Variants in FIGLA observed in about 807,000 individuals in gnomAD.
FIGLA encodes the protein factor in the germline alpha.
A neutral mutation model predicts 21.5 loss-of-function variants in FIGLA; 17 were observed. That is an observed-to-expected ratio of 0.79 (90% CI 0.54 to 1.19). The LOEUF (loss-of-function observed/expected upper bound fraction) is 1.19, where lower values mean the gene tolerates loss of function less well. Ranked by LOEUF, FIGLA falls within the 50% of genes most tolerant of loss-of-function variation. The probability of loss-of-function intolerance (pLI) is 0.00; values close to 1 mark genes in which losing one functional copy is unlikely to be tolerated. For synonymous variants in FIGLA, 129 were observed against 117.6 expected, an observed-to-expected ratio of 1.10 and a Z score of -0.63; for missense variants, 282 against 285.0, an observed-to-expected ratio of 0.99 and a Z score of 0.08.
chr2:70,780,823 A>G (rs913808561), intron 3 of FIGLA, among the ~76,000 whole-genome samples: 3 of 152,164 alleles, frequency 2.0e-5, no homozygotes, highest in African/African-American at 7.2e-5. Context: ...TCAGAGCCCA[A>G]GCAGGGTGAG....
chr2:70,784,987 A>G (rs1675920385), intron 3 of FIGLA, among the ~76,000 whole-genome samples: 1 of 151,348 alleles, frequency 6.6e-6, no homozygotes, highest in Middle Eastern at 3.2e-3. Context: ...ATCTTTATGT[A>G]TGGCAAGCTA....
At position 70,785,536 on chromosome 2, in the gene FIGLA, G is replaced by C; in HGVS notation, c.488C>G (p.Ala163Gly). 6.2e-7 allele frequency: 1 copy of C among 1,613,956 alleles called. No homozygotes were observed. The highest frequency in any genetic ancestry group is 8.5e-7 in the Non-Finnish European group (1 of 1,179,870). The stretch of plus-strand genomic sequence containing the variant: ...TTCCTCTTCATTCTTCAAGCCGAAA[G>C]CACAGCTGATATGTTGGGTGATGTT... Reference protein sequence around the residue: ...SRNITQHISCAFGLKNEEEGP... With the variant: ...SRNITQHISCGFGLKNEEEGP... Residue 163 changes from alanine to glycine, a missense_variant, in exon 3 of 5, where the codon GCT (alanine) becomes GGT (glycine). Transcript: ENST00000332372.
intron 4 of FIGLA, 41 bp downstream of exon 4, chr2:70,777,596 T>G: frequency 6.3e-7 from 1 of 1,593,046 alleles, no homozygotes; most frequent in Non-Finnish European, 8.6e-7. Flanking sequence ...GCCAGTGGTG[T>G]TATAAATTGG....
rs782157904 is a variant in FIGLA, at chr2:70,790,381, C to A, written c.231+27G>T. 2.7e-5 allele frequency: 40 copies of A among 1,493,584 alleles called. No homozygotes were observed. The Middle Eastern group carries it at 5.2e-4, about 19-fold the overall frequency. 92.5% of individuals were successfully genotyped at this position (1,493,584 alleles called of 1,614,324 possible). On this transcript the variant is annotated intron_variant, in intron 1 of 4. Transcript: ENST00000332372. Reference sequence around the variant, plus strand: ...GGTGGTAGAGCAGGGAAGGGGGGAACGGACGTCGACCCTAGGGATCCCTCA... The same window carrying A: ...GGTGGTAGAGCAGGGAAGGGGGGAAAGGACGTCGACCCTAGGGATCCCTCA...
rs570289351 is a variant in FIGLA at position 70,788,258 on chromosome 2, A to T, written c.232-457T>A. Among the ~76,000 whole-genome samples, 6 of 152,360 alleles carry T rather than the reference A, an allele frequency of 3.9e-5. No homozygotes were observed. The East Asian group carries it at 9.6e-4, about 24-fold the overall frequency. ...GGGGTGTGATTAAGTGATATAATGTACAAATAAGATACCTCACCCAAACCT... is the reference window on the plus strand; with the variant it reads ...GGGGTGTGATTAAGTGATATAATGTTCAAATAAGATACCTCACCCAAACCT... On this transcript the variant is annotated intron_variant, in intron 1 of 4. Coordinates refer to ENST00000332372, the MANE Select transcript of FIGLA (RefSeq NM_001004311.3).
At chr2:70,783,295 C>T (rs1675890586) in intron 3 of FIGLA, among the ~76,000 whole-genome samples, 1 of 152,148 alleles carries the variant, frequency 6.6e-6, no homozygotes, top group African/African-American at 2.4e-5. Flanking sequence ...GCTAAAAAGA[C>T]TAAATATTAA....
At chr2:70,784,935 C>T (rs944041445) in intron 3 of FIGLA, among the ~76,000 whole-genome samples, 1 of 108,772 alleles carries the variant, frequency 9.2e-6, no homozygotes, top group South Asian at 3.4e-4. Context: ...ACCAGCACCA[C>T]CCCCCACCAC....
intron 3 of FIGLA, among the ~76,000 whole-genome samples, chr2:70,781,679 A>G (rs551517827): frequency 6.6e-6 from 1 of 152,338 alleles, no homozygotes; most frequent in Non-Finnish European, 1.5e-5. Flanking sequence ...GTGGAAAAAG[A>G]CCATCTGTAA....
At chr2:70,785,345 G>T in intron 3 of FIGLA, 70 bp downstream of exon 3, 1 of 1,225,782 alleles carries the variant, frequency 8.2e-7, no homozygotes, top group South Asian at 1.5e-5. Context: ...ATGGAAAAAT[G>T]ACTCATATCT....
intron 3 of FIGLA, among the ~76,000 whole-genome samples, chr2:70,783,192 T>C (rs1272368317): frequency 6.6e-6 from 1 of 152,184 alleles, no homozygotes; most frequent in Admixed American, 6.5e-5. Flanking sequence ...TTGACAGAAG[T>C]GACATGCACT....
intron 4 of FIGLA, 109 bp from the exon 5 acceptor site, chr2:70,777,491 AAATT>A: frequency 7.3e-7 from 1 of 1,366,242 alleles, no homozygotes; most frequent in South Asian, 1.5e-5. Flanking sequence ...AAAGATGTTT[AAATT>A]TAAAGATACT....
At chr2:70,777,892 A>AGGG (rs1472579694) in intron 3 of FIGLA, among the ~76,000 whole-genome samples, 1 of 152,208 alleles carries the variant, frequency 6.6e-6, no homozygotes. Context: ...AGAAATGGGA[A>AGGG]GGATTTTAGT....
intron 4 of FIGLA, 21 bp from the exon 5 acceptor site, chr2:70,777,403 C>T: frequency 6.9e-7 from 1 of 1,453,026 alleles, no homozygotes; most frequent in Non-Finnish European, 9.1e-7. Flanking sequence ...GAAAACATTC[C>T]ATTATAAATA....
intron 3 of FIGLA, among the ~76,000 whole-genome samples, chr2:70,778,129 G>C (rs1180319971): frequency 6.6e-6 from 1 of 152,124 alleles, no homozygotes; most frequent in Non-Finnish European, 1.5e-5. Flanking sequence ...CTATTTTCTA[G>C]TCCACCCTCC....
intron 3 of FIGLA, among the ~76,000 whole-genome samples, chr2:70,783,147 T>A (rs1300850354): frequency 2.0e-5 from 3 of 151,336 alleles, no homozygotes; most frequent in African/African-American, 7.3e-5. Flanking sequence ...TGCAAAAAAA[T>A]GGCACTCTTT....
chr2:70,777,382 T>A lies in FIGLA; in HGVS notation c.645A>T (p.Arg215Ser). ...RFPEVELLSH[R>S]LPQV ...TTTTCATTTTTCATACTTGTGGAAG[T>A]CTGAAACAGAGAAAACATTCCATTA... The change falls in exon 5 of 5, where the codon AGA (arginine) becomes AGT (serine). Residue 215 changes from arginine to serine, a missense_variant and splice_region_variant. Coordinates refer to ENST00000332372, the MANE Select transcript of FIGLA (RefSeq NM_001004311.3). 1 of 1,490,694 alleles carries A rather than the reference T, an allele frequency of 6.7e-7. No homozygotes were observed. 92.3% of individuals were successfully genotyped at this position (1,490,694 alleles called of 1,614,324 possible).
rs200500974 is a variant in FIGLA, at chr2:70,785,581, G to A, written c.443C>T (p.Ser148Leu). Reference protein sequence around the residue: ...SNNSSESHTSSARQLSRNITQ... With the variant: ...SNNSSESHTSLARQLSRNITQ... ...GATGTTTCTTGACAGCTGTCTTGCCGAGGATGTATGTGATTCAGAACTGTT... is the reference window on the plus strand; with the variant it reads ...GATGTTTCTTGACAGCTGTCTTGCCAAGGATGTATGTGATTCAGAACTGTT... The change falls in exon 3 of 5, where the codon TCG (serine) becomes TTG (leucine). Residue 148 changes from serine to leucine, a missense_variant. Coordinates refer to ENST00000332372, the MANE Select transcript of FIGLA (RefSeq NM_001004311.3). 719 of 1,613,846 alleles carry A rather than the reference G, an allele frequency of 4.5e-4. 2 individuals are homozygous for A. Among genetic ancestry groups the A allele is most frequent in the Non-Finnish European group, 5.3e-4 (629 of 1,179,886 alleles).
intron 3 of FIGLA, among the ~76,000 whole-genome samples, chr2:70,779,405 A>C (rs1406877956): frequency 2.6e-5 from 4 of 152,198 alleles, no homozygotes; most frequent in African/African-American, 7.2e-5. Context: ...CATCGTATAG[A>C]GCCACTACCT....
chr2:70,787,653 G>A lies in FIGLA; in HGVS notation c.380C>T (p.Ser127Leu). 6.4e-7 allele frequency: 1 copy of A among 1,563,328 alleles called. No homozygotes were observed. Among genetic ancestry groups the A allele is most frequent in the South Asian group, 1.2e-5 (1 of 84,902 alleles). ...LSDLLEGAKD[S>L]KKQDPDEQSY... ...TCTAAAATCTTACACCTTTACCTTTGAGTCTTTGGCTCCTTCCAAAAGATC... is the reference window on the plus strand; with the variant it reads ...TCTAAAATCTTACACCTTTACCTTTAAGTCTTTGGCTCCTTCCAAAAGATC... The change falls in exon 2 of 5, where the codon TCA becomes TTA. Residue 127 changes from serine (S) to leucine (L), a missense_variant. Transcript: ENST00000332372.
Sources: gnomAD v4.1 joint callset for allele counts (sites outside exome capture counted in the v4.1 genomes callset) on GRCh38, gnomAD v4.1.1 for gene constraint, MANE v1.5 for transcripts, NCBI Gene and HGNC (gene_info 2026-07-23, HGNC 2026-07-21) for gene names.